LYAR: variants seen among roughly 807,000 people sequenced by gnomAD.
LYAR encodes the protein cell growth-regulating nucleolar protein.
LYAR carries 37 observed loss-of-function variants against 45.2 expected under a neutral mutation model. That is an observed-to-expected ratio of 0.82 (90% CI 0.63 to 1.08). The LOEUF (loss-of-function observed/expected upper bound fraction) is 1.08. Ranked by LOEUF, LYAR falls within the 50% of genes least tolerant of loss-of-function variation. The pLI is 0.00. For synonymous variants in LYAR, 176 were observed against 155.1 expected (o/e 1.14, Z -1.00); for missense variants, 493 against 451.0 (o/e 1.09, Z -0.84).
intron 3 of LYAR, 22 bp downstream of exon 3, chr4:4,283,599 A>G (rs1268972180): frequency 6.2e-7 from 1 of 1,605,032 alleles, no homozygotes; most frequent in East Asian, 2.2e-5. Context: ...CTATGGATCT[A>G]CATGAATTCT....
At chr4:4,272,053 AT>A (rs750280912) in intron 8 of LYAR, among the ~76,000 whole-genome samples, 1 of 151,478 alleles carries the variant, frequency 6.6e-6, no homozygotes, top group Non-Finnish European at 1.5e-5. Flanking sequence ...CAGATTAGTG[AT>A]TGCCAGAGGC....
chr4:4,273,487 CAA>C, intron 8 of LYAR, 94 bp downstream of exon 8: 1 of 817,072 alleles, frequency 1.2e-6, no homozygotes, highest in Non-Finnish European at 2.0e-6. Flanking sequence ...CTCCTGAGCT[CAA>C]GTGACCCTCC....
chr4:4,279,597 T>C (rs1210210513), intron 5 of LYAR, 45 bp downstream of exon 5: 1 of 1,567,158 alleles, frequency 6.4e-7, no homozygotes, highest in East Asian at 2.2e-5. Flanking sequence ...GCTCAGTCAC[T>C]GATGGGCCAC....
chr4:4,280,185 G>C (rs900572868), intron 4 of LYAR, among the ~76,000 whole-genome samples: 6 of 152,116 alleles, frequency 3.9e-5, no homozygotes, highest in African/African-American at 1.4e-4. Context: ...GCATCAAAAA[G>C]AATAATCAGG....
At chr4:4,270,912 T>C (rs1718905863) in intron 8 of LYAR, among the ~76,000 whole-genome samples, 1 of 152,228 alleles carries the variant, frequency 6.6e-6, no homozygotes, top group African/African-American at 2.4e-5. Flanking sequence ...AGCAGGTGTA[T>C]ATGGGGCACG....
At chr4:4,280,969 T>C (rs759470662) in intron 4 of LYAR, among the ~76,000 whole-genome samples, 4 of 152,240 alleles carry the variant, frequency 2.6e-5, no homozygotes, top group African/African-American at 4.8e-5. Flanking sequence ...AAATGATCAG[T>C]AGCATTCTGA....
chr4:4,274,570 T>C lies in LYAR; in HGVS notation c.629A>G (p.Asn210Ser). 1 of 1,613,632 alleles carries C rather than the reference T, an allele frequency of 6.2e-7. No individual in the cohort carries two copies. The highest frequency in any genetic ancestry group is 8.5e-7 in the Non-Finnish European group (1 of 1,179,956). Residue 210 changes from asparagine (N) to serine (S), a missense_variant, in exon 7 of 10, where the codon AAC becomes AGC. Asn to Ser is a conservative substitution (Grantham distance 46, BLOSUM62 1). Transcript: ENST00000343470. The stretch of plus-strand genomic sequence containing the variant: ...CTGATTCCTTGAGTTTTCCTGGTGG[T>C]TTTCTAACTTTAGTTCTTTCTTTTC... Reference protein sequence around the residue: ...KREKKELKLENHQENSRNQKP... With the variant: ...KREKKELKLESHQENSRNQKP...
At chr4:4,285,286 T>C (rs1281456051) in intron 2 of LYAR, among the ~76,000 whole-genome samples, 1 of 152,212 alleles carries the variant, frequency 6.6e-6, no homozygotes, top group African/African-American at 2.4e-5. Context: ...AAGGAAAACA[T>C]GACTACCCTC....
At position 4,282,586 on chromosome 4, in the gene LYAR, G is replaced by A. The variant is rs529676033; in HGVS notation, c.123-689C>T. Among the ~76,000 whole-genome samples, 32 of 152,310 alleles carry A rather than the reference G, an allele frequency of 2.1e-4. No individual in the cohort carries two copies. In the South Asian group the frequency reaches 5.4e-3, roughly 26 times the overall value. ...AAGAGAGTATTAGCCAGTACCATCC[G>A]AATGCCTCAGAGGACACTGGGGCAG... is the stretch of plus-strand genomic sequence containing the variant. On this transcript the variant is annotated intron_variant, in intron 3 of 9. Coordinates refer to ENST00000343470, the MANE Select transcript of LYAR (RefSeq NM_017816.3).
chr4:4,287,706 T>C (rs1719668148), intron 1 of LYAR, among the ~76,000 whole-genome samples: 1 of 152,132 alleles, frequency 6.6e-6, no homozygotes, highest in African/African-American at 2.4e-5. Flanking sequence ...CCACCCTGCC[T>C]CCATCTTGAC....
In LYAR at chr4:4,283,755, G is replaced by T; in HGVS notation, c.-13C>A. The stretch of plus-strand genomic sequence containing the variant: ...TAAAAAATACCATTTTTAGGTAAAT[G>T]GCTAAATATTCTCTATCCAAGACAG... On this transcript the variant is annotated 5_prime_UTR_variant, in exon 3 of 10. Transcript: ENST00000343470. 6.2e-7 allele frequency: 1 copy of T among 1,603,746 alleles called. No individual in the cohort carries two copies. The highest frequency in any genetic ancestry group is 1.1e-5 in the South Asian group (1 of 90,636).
In LYAR at chr4:4,274,535, T is replaced by G. The variant is rs1208963746; in HGVS notation, c.664A>C (p.Lys222Gln). Residue 222 changes from lysine to glutamine, a missense_variant, in exon 7 of 10, where the codon AAG (lysine) becomes CAG (glutamine). Lys to Gln is a moderately conservative substitution (Grantham distance 53). Coordinates refer to ENST00000343470, the MANE Select transcript of LYAR (RefSeq NM_017816.3). ...TCAGCCTCCTGTCCCTTTTTGCGCT[T>G]CTTAGGCTTCTGATTCCTTGAGTTT... ...QENSRNQKPK[K>Q]RKKGQEADLE... 6.2e-7 allele frequency: 1 copy of G among 1,614,192 alleles called. No homozygotes were observed.
chr4:4,269,093 A>G (rs951990660), intron 8 of LYAR, among the ~76,000 whole-genome samples: 9 of 152,162 alleles, frequency 5.9e-5, no homozygotes, highest in African/African-American at 2.2e-4. Flanking sequence ...ACAACTGAGA[A>G]CCCTGAAACT....
chr4:4,288,665 T>C (rs1050657252), intron 1 of LYAR, among the ~76,000 whole-genome samples: 1 of 152,148 alleles, frequency 6.6e-6, no homozygotes, highest in African/African-American at 2.4e-5. Context: ...TTTGTATTTT[T>C]AGTAGAGACG....
intron 1 of LYAR, among the ~76,000 whole-genome samples, chr4:4,286,949 C>A (rs749639497): frequency 6.6e-6 from 1 of 152,176 alleles, no homozygotes; most frequent in Non-Finnish European, 1.5e-5. Context: ...CCGCGCCCGG[C>A]CTTAATTAAA....
rs79312020 is a variant in LYAR, at chr4:4,273,601, C to T, written c.901G>A (p.Asp301Asn). The T allele has an allele frequency of 1.8e-5, 29 of 1,613,346 alleles. No homozygotes were observed. The highest frequency in any genetic ancestry group is 1.2e-4 in the South Asian group (11 of 91,034). Reference protein sequence around the residue: ...EHPEGGEPEDDEAPAKGKFNW... With the variant: ...EHPEGGEPEDNEAPAKGKFNW... ...GATATACCTTTTGCAGGAGCCTCAT[C>T]GTCTTCTGGTTCTCCGCCCTCAGGA... is the stretch of plus-strand genomic sequence containing the variant. Residue 301 changes from aspartate to asparagine, a missense_variant, in exon 8 of 10, where the codon GAT becomes AAT. Asp to Asn is a conservative substitution (Grantham distance 23). Coordinates refer to ENST00000343470, the MANE Select transcript of LYAR (RefSeq NM_017816.3).
intron 8 of LYAR, 32 bp from the exon 9 acceptor site, chr4:4,268,647 T>C (rs758063083): frequency 2.8e-6 from 4 of 1,435,736 alleles, no homozygotes; most frequent in Non-Finnish European, 2.9e-6. Context: ...TTAAGACATT[T>C]CGTTTTGTTG....
chr4:4,278,691 A>G (rs2916444), intron 6 of LYAR, among the ~76,000 whole-genome samples: 131,721 of 152,244 alleles, frequency 0.87, 57,092 homozygotes, highest in African/African-American at 0.9. Context: ...CACAGATCAG[A>G]CACTCAGTTA....
chr4:4,274,298 C>CT (rs1355297799), intron 7 of LYAR, 69 bp downstream of exon 7: 6 of 1,529,836 alleles, frequency 3.9e-6, no homozygotes, highest in Non-Finnish European at 5.3e-6. Context: ...GTCTAACAGG[C>CT]TTAAATATCC....
Sources: allele counts gnomAD v4.1 joint callset (sites outside exome capture counted in the v4.1 genomes callset), GRCh38; gene constraint gnomAD v4.1.1; transcripts MANE v1.5; gene names NCBI Gene and HGNC (gene_info 2026-07-23, HGNC 2026-07-21).